The following NR3C1 variants were observed in gnomAD, a reference collection of about 807,000 sequenced individuals.
NR3C1 encodes nuclear receptor subfamily 3 group C member 1, also known as glucocorticoid receptor.
Under a neutral mutation model 74.0 loss-of-function variants are expected in NR3C1, and 14 were observed. The ratio of observed to expected loss-of-function variants is 0.19; its 90% CI spans 0.12 to 0.30. The LOEUF (loss-of-function observed/expected upper bound fraction) is 0.30, where lower values mean the gene tolerates loss of function less well. Among genes scored for constraint, NR3C1 ranks in the 10% least tolerant of loss-of-function variants. The pLI is 1.00. For missense variants in NR3C1, 695 were observed against 909.8 expected (o/e 0.76, Z 3.04); for synonymous variants, 308 against 332.5 (o/e 0.93, Z 0.80).
At chr5:143,426,656 T>C (rs1375384147) in intron 1 of NR3C1, among the ~76,000 whole-genome samples, 1 of 152,252 alleles carries the variant, frequency 6.6e-6, no homozygotes, top group African/African-American at 2.4e-5. Context: ...TCCCACATGA[T>C]AATTCATCTG....
rs886060058 is a variant in NR3C1 at position 143,281,487 on chromosome 5, G to GA, written c.*401dup. 8.6e-6 allele frequency: 2 copies of GA among 233,152 alleles called. No individual in the cohort carries two copies. Among genetic ancestry groups the GA allele is most frequent in the Non-Finnish European group, 1.7e-5 (2 of 117,050 alleles). The allele number at this position is 233,152 out of a possible 1,614,324, so 14.4% of individuals were successfully genotyped here. A position where few individuals can be genotyped will look rare whatever the true frequency, so the allele number is the denominator to read the frequency against. On this transcript the variant is annotated 3_prime_UTR_variant, in exon 9 of 9. Transcript: ENST00000394464. ...TGCTATCCTAACTATACAGGGGGGG[G>GA]ATACACCAACAGAAAGTCTAGAAAA...
In NR3C1 at chr5:143,403,312, A is replaced by G. The variant is rs1405290916; in HGVS notation, c.-115T>C. 2 of 950,872 alleles carry G rather than the reference A, an allele frequency of 2.1e-6. No homozygotes were observed. The highest frequency in any genetic ancestry group is 4.8e-5 in the South Asian group (1 of 20,630). The allele number at this position is 950,872 out of a possible 1,614,324, so 58.9% of individuals were successfully genotyped here. On this transcript the variant is annotated 5_prime_UTR_variant, in exon 1 of 9. Coordinates refer to ENST00000394464, the MANE Select transcript of NR3C1 (RefSeq NM_000176.3). ...CGCAGAAGGAGCAGGAGGGAAATAT[A>G]TTTTTTTTTTCTAAAAAAAGGAAGT...
At chr5:143,384,104 C>G (rs922581318) in intron 2 of NR3C1, among the ~76,000 whole-genome samples, 14 of 152,288 alleles carry the variant, frequency 9.2e-5, no homozygotes, top group Middle Eastern at 3.4e-3. Flanking sequence ...AGCACATGTT[C>G]ACATGGCAGA....
intron 1 of NR3C1, among the ~76,000 whole-genome samples, chr5:143,428,543 G>C (rs1315558814): frequency 6.6e-6 from 1 of 152,156 alleles, no homozygotes; most frequent in Non-Finnish European, 1.5e-5. Context: ...CCATGCTCTA[G>C]TTCAGGGGCT....
chr5:143,367,468 T>A (rs567601353), intron 2 of NR3C1, among the ~76,000 whole-genome samples: 46 of 152,250 alleles, frequency 3.0e-4, no homozygotes, highest in African/African-American at 1.1e-3. Context: ...AGTAAAATTA[T>A]CTCTAATTGC....
rs61757434 is a variant in NR3C1 at position 143,435,134 on chromosome 5, A to C, written c.-616T>G. The C allele has an allele frequency of 5.7e-4, 557 of 985,398 alleles. 5 individuals are homozygous for C. In the Admixed American group the frequency reaches 0.016, roughly 29 times the overall value. The allele number at this position is 985,398 out of a possible 1,614,324, so 61.0% of individuals were successfully genotyped here. ...TCAACAAGGATTTGAAAACTAAATG[A>C]ATGCGTGCATATTCACACTAAGCAA... On this transcript the variant is annotated 5_prime_UTR_variant, in exon 1 of 9. Coordinates refer to the NR3C1 transcript ENST00000343796.
intron 2 of NR3C1, among the ~76,000 whole-genome samples, chr5:143,349,813 G>A (rs538828576): frequency 6.6e-6 from 1 of 152,094 alleles, no homozygotes; most frequent in Non-Finnish European, 1.5e-5. Flanking sequence ...CTGTAGAGAC[G>A]AGTACACAGT....
intron 2 of NR3C1, among the ~76,000 whole-genome samples, chr5:143,373,401 T>C (rs192940859): frequency 1.9e-4 from 28 of 147,308 alleles, no homozygotes; most frequent in Admixed American, 6.3e-4. Flanking sequence ...TCAGCTTACA[T>C]GGATGAATCT....
At chr5:143,399,547 A>G (rs1839846638) in intron 2 of NR3C1, 109 bp downstream of exon 2, 2 of 900,388 alleles carry the variant, frequency 2.2e-6, no homozygotes, top group Middle Eastern at 2.2e-4. Context: ...TTATTCATAT[A>G]AAAAAGCACA....
intron 1 of NR3C1, among the ~76,000 whole-genome samples, chr5:143,417,120 T>C (rs1750947246): frequency 6.6e-6 from 1 of 152,158 alleles, no homozygotes; most frequent in South Asian, 2.1e-4. Context: ...GTTTTGTTTA[T>C]AGTAGATTTG....
At chr5:143,414,092 C>CTTTAATAGAATGTGGG (rs1600669035) in intron 1 of NR3C1, among the ~76,000 whole-genome samples, 1 of 152,132 alleles carries the variant, frequency 6.6e-6, no homozygotes, top group East Asian at 1.9e-4. Flanking sequence ...CACTTCCTGC[C>CTTTAATAGAATGTGGG]TTTAATAGAA....
chr5:143,364,260 A>G (rs1196936061), intron 2 of NR3C1, among the ~76,000 whole-genome samples: 2 of 152,256 alleles, frequency 1.3e-5, no homozygotes, highest in African/African-American at 2.4e-5. Context: ...TGAAAGAATT[A>G]CATGTCAACC....
At chr5:143,344,175 A>G (rs1184504143) in intron 2 of NR3C1, among the ~76,000 whole-genome samples, 4 of 152,192 alleles carry the variant, frequency 2.6e-5, no homozygotes, top group African/African-American at 9.6e-5. Flanking sequence ...TAAGCTTTAA[A>G]AAGACTAAGA....
rs114419695 is a variant in NR3C1, at chr5:143,328,862, A to G, written c.1185-14694T>C. Among the ~76,000 whole-genome samples the G allele has an allele frequency of 2.3e-3, 352 of 152,332 alleles. 1 individual carries two copies. Among genetic ancestry groups the G allele is most frequent in the African/African-American group, 8.1e-3 (335 of 41,564 alleles). ...CAGCCTGGACTTCATTGTCCACGTC[A>G]CTATCAGCATTTTGGTCAAAAGTAT... On this transcript the variant is annotated intron_variant, in intron 2 of 8. Coordinates refer to ENST00000394464, the MANE Select transcript of NR3C1 (RefSeq NM_000176.3).
Position 143,403,211 on chromosome 5 carries a change from C to T in NR3C1, c.-14G>A, listed in dbSNP as rs937569821. 4.1e-6 allele frequency: 4 copies of T among 985,308 alleles called. No homozygotes were observed. Among genetic ancestry groups the T allele is most frequent in the Admixed American group, 1.2e-4 (2 of 16,266 alleles). The allele number at this position is 985,308 out of a possible 1,614,324, so 61.0% of individuals were successfully genotyped here. Reference sequence around the variant, plus strand: ...GGCCCCCTCCCGCCTCGCTTCTTACCTCTGGCAGAGGAGCCGCTCGCCCGC... The same window carrying T: ...GGCCCCCTCCCGCCTCGCTTCTTACTTCTGGCAGAGGAGCCGCTCGCCCGC... On this transcript the variant is annotated splice_region_variant and 5_prime_UTR_variant, in exon 1 of 9. Transcript: ENST00000394464.
At chr5:143,358,858 C>T (rs1831678356) in intron 2 of NR3C1, among the ~76,000 whole-genome samples, 3 of 151,812 alleles carry the variant, frequency 2.0e-5, no homozygotes, top group African/African-American at 7.3e-5. Flanking sequence ...CGAGATCACA[C>T]CATTGCACTC....
intron 1 of NR3C1, among the ~76,000 whole-genome samples, chr5:143,425,492 C>A (rs543212389): frequency 6.6e-5 from 10 of 152,108 alleles, no homozygotes; most frequent in African/African-American, 2.4e-4. Flanking sequence ...CAGTAAAGGT[C>A]TAGATCTAGA....
chr5:143,296,988 A>G (rs1420115113), intron 6 of NR3C1, among the ~76,000 whole-genome samples: 1 of 151,588 alleles, frequency 6.6e-6, no homozygotes, highest in Non-Finnish European at 1.5e-5. Context: ...TGAGGCAGAG[A>G]ATCACTTGAA....
At chr5:143,415,367 TG>T (rs1365305910) in intron 1 of NR3C1, among the ~76,000 whole-genome samples, 1 of 151,824 alleles carries the variant, frequency 6.6e-6, no homozygotes, top group Non-Finnish European at 1.5e-5. Context: ...AAGGGGAGGA[TG>T]GGGAGAGATT....
Sources: allele counts gnomAD v4.1 joint callset (sites outside exome capture counted in the v4.1 genomes callset), GRCh38; gene constraint gnomAD v4.1.1; transcripts MANE v1.5; gene names NCBI Gene and HGNC (gene_info 2026-07-23, HGNC 2026-07-21).